Variants in CYP7B1 observed in about 807,000 individuals in gnomAD.
CYP7B1 encodes cytochrome P450 7B1.
CYP7B1 carries 29 observed loss-of-function variants against 42.7 expected under a neutral mutation model. The observed-to-expected ratio is 0.68, with a 90% confidence interval of 0.51 to 0.93. The LOEUF (loss-of-function observed/expected upper bound fraction) is 0.93. CYP7B1 is among the 40% of genes least tolerant of loss of function. The pLI is 0.00. For synonymous variants in CYP7B1, 235 were observed against 218.2 expected (o/e 1.08, Z -0.68); for missense variants, 655 against 600.5 (o/e 1.09, Z -0.95).
chr8:64,754,146 G>C (rs1000048048), intron 1 of CYP7B1, among the ~76,000 whole-genome samples: 2 of 152,216 alleles, frequency 1.3e-5, no homozygotes, highest in Non-Finnish European at 2.9e-5. Flanking sequence ...GGGGACAGAG[G>C]GTGTGAGGAG....
Position 64,615,076 on chromosome 8 carries a change from C to A in CYP7B1, c.1007G>T (p.Gly336Val), listed in dbSNP as rs771797585. 2.5e-6 allele frequency: 4 copies of A among 1,613,508 alleles called. No homozygotes were observed. Among genetic ancestry groups the A allele is most frequent in the East Asian group, 4.5e-5 (2 of 44,878 alleles). Reference sequence around the variant, plus strand: ...TTCTCTGGTGAGGTGGATGGGAAATCCAGACCCTTTCTTTTGACCTGTTGA... The same window carrying A: ...TTCTCTGGTGAGGTGGATGGGAAATACAGACCCTTTCTTTTGACCTGTTGA... ...LQSTGQKKGSGFPIHLTREQL... is the reference protein window; with the variant it reads ...LQSTGQKKGSVFPIHLTREQL... Residue 336 changes from glycine (G) to valine (V), a missense_variant, in exon 4 of 6, where the codon GGA (glycine) becomes GTA (valine). By Grantham distance (109) the Gly-to-Val change is moderately radical. Coordinates refer to ENST00000310193, the MANE Select transcript of CYP7B1 (RefSeq NM_004820.5).
chr8:64,769,774 C>G (rs1374693934), intron 1 of CYP7B1, among the ~76,000 whole-genome samples: 1 of 152,152 alleles, frequency 6.6e-6, no homozygotes, highest in Non-Finnish European at 1.5e-5. Context: ...TTCCCTGTCT[C>G]CGTGCCTTAA....
chr8:64,618,288 T>G (rs761686656), intron 2 of CYP7B1, among the ~76,000 whole-genome samples: 1 of 152,098 alleles, frequency 6.6e-6, no homozygotes, highest in Non-Finnish European at 1.5e-5. Flanking sequence ...CTCCTTTCAC[T>G]AAATAAAAGG....
At chr8:64,711,495 T>A (rs1807079080) in intron 1 of CYP7B1, among the ~76,000 whole-genome samples, 1 of 152,180 alleles carries the variant, frequency 6.6e-6, no homozygotes, top group Non-Finnish European at 1.5e-5. Flanking sequence ...GGTTTTGTCA[T>A]CTGTCACTCT....
At chr8:64,627,288 C>T (rs764839559) in intron 1 of CYP7B1, among the ~76,000 whole-genome samples, 28 of 152,162 alleles carry the variant, frequency 1.8e-4, no homozygotes, top group Non-Finnish European at 3.7e-4. Flanking sequence ...ACCATTAATA[C>T]AGTTAATTCC....
chr8:64,594,713 A>G lies in CYP7B1; in HGVS notation c.*1929T>C, dbSNP rs1452177078. On this transcript the variant is annotated 3_prime_UTR_variant, in exon 6 of 6. Coordinates refer to ENST00000310193, the MANE Select transcript of CYP7B1 (RefSeq NM_004820.5). ...AAAACAAACTCAGTGGATGAGTTGG[A>G]GAGATTAGATATACTGTTCAAAGAA... Among the ~76,000 whole-genome samples, 1 of 152,238 alleles carries G rather than the reference A, an allele frequency of 6.6e-6. No homozygotes were observed. The highest frequency in any genetic ancestry group is 1.5e-5 in the Non-Finnish European group (1 of 68,046).
intron 5 of CYP7B1, among the ~76,000 whole-genome samples, chr8:64,600,454 G>A (rs916702107): frequency 1.3e-5 from 2 of 152,042 alleles, no homozygotes; most frequent in African/African-American, 4.8e-5. Flanking sequence ...TTTGGGTATG[G>A]GAATATAAAT....
At chr8:64,718,330 A>C (rs1807188432) in intron 1 of CYP7B1, among the ~76,000 whole-genome samples, 1 of 152,150 alleles carries the variant, frequency 6.6e-6, no homozygotes, top group Admixed American at 6.5e-5. Context: ...ATTCTGATGC[A>C]CATCTGTAAG....
intron 1 of CYP7B1, among the ~76,000 whole-genome samples, chr8:64,627,704 A>G (rs1585816334): frequency 6.6e-6 from 1 of 152,184 alleles, no homozygotes; most frequent in African/African-American, 2.4e-5. Flanking sequence ...TTATTGTTAC[A>G]AAGATGAGAG....
chr8:64,602,329 G>A (rs971969629), intron 5 of CYP7B1, among the ~76,000 whole-genome samples: 2 of 152,176 alleles, frequency 1.3e-5, no homozygotes, highest in African/African-American at 4.8e-5. Flanking sequence ...GGAGTAGTTT[G>A]GTGCCTGCTG....
chr8:64,724,742 G>A (rs1368379415), intron 1 of CYP7B1, among the ~76,000 whole-genome samples: 2 of 152,002 alleles, frequency 1.3e-5, no homozygotes, highest in African/African-American at 4.8e-5. Context: ...AAAGATGTAG[G>A]GCTCAGAAGC....
chr8:64,621,691 G>A (rs1805531906), intron 2 of CYP7B1, among the ~76,000 whole-genome samples: 1 of 150,514 alleles, frequency 6.6e-6, no homozygotes, highest in Non-Finnish European at 1.5e-5. Context: ...TAAGATGCAT[G>A]ATTTTTTTCC....
At chr8:64,613,767 T>C (rs143907453) in intron 4 of CYP7B1, among the ~76,000 whole-genome samples, 70 of 152,294 alleles carry the variant, frequency 4.6e-4, no homozygotes, top group African/African-American at 1.4e-3. Context: ...AACTTCCAAA[T>C]TGACTGCTAG....
chr8:64,611,086 C>G (rs1805356276), intron 4 of CYP7B1, among the ~76,000 whole-genome samples: 1 of 152,096 alleles, frequency 6.6e-6, no homozygotes, highest in Non-Finnish European at 1.5e-5. Flanking sequence ...CCCATGTTGC[C>G]TGATCTTGTC....
At chr8:64,602,379 T>C (rs926473975) in intron 5 of CYP7B1, among the ~76,000 whole-genome samples, 2 of 152,196 alleles carry the variant, frequency 1.3e-5, no homozygotes, top group African/African-American at 4.8e-5. Context: ...AATAGGGAGA[T>C]GCAGATCCAA....
At chr8:64,755,034 G>A (rs1807786250) in intron 1 of CYP7B1, among the ~76,000 whole-genome samples, 1 of 152,192 alleles carries the variant, frequency 6.6e-6, no homozygotes, top group African/African-American at 2.4e-5. Flanking sequence ...TTGGGGAATG[G>A]AGAGTCATTG....
chr8:64,647,515 G>A (rs1016841244), intron 1 of CYP7B1, among the ~76,000 whole-genome samples: 1 of 152,128 alleles, frequency 6.6e-6, no homozygotes, highest in Non-Finnish European at 1.5e-5. Flanking sequence ...ATTGCCTCAC[G>A]TGGTTATGAA....
chr8:64,782,976 C>A (rs1039015238), intron 1 of CYP7B1, among the ~76,000 whole-genome samples: 4 of 152,114 alleles, frequency 2.6e-5, no homozygotes, highest in African/African-American at 9.7e-5. Flanking sequence ...AACCTCTGGG[C>A]TTTATAAGGA....
chr8:64,695,020 G>A (rs769304715), intron 1 of CYP7B1, among the ~76,000 whole-genome samples: 15 of 152,044 alleles, frequency 9.9e-5, no homozygotes, highest in Non-Finnish European at 2.1e-4. Context: ...AGACATTTAA[G>A]CAAAACTCAA....
Sources: allele counts gnomAD v4.1 joint callset (sites outside exome capture counted in the v4.1 genomes callset), GRCh38; gene constraint gnomAD v4.1.1; transcripts MANE v1.5; gene names NCBI Gene and HGNC (gene_info 2026-07-23, HGNC 2026-07-21).